The following SLC1A3 variants were observed in gnomAD, a reference collection of about 807,000 sequenced individuals.
SLC1A3 encodes the protein solute carrier family 1 member 3.
Under a neutral mutation model 48.1 loss-of-function variants are expected in SLC1A3, and 21 were observed. The ratio of observed to expected loss-of-function variants is 0.44; its 90% confidence interval spans 0.31 to 0.63. The LOEUF is 0.63. Among genes scored for constraint, SLC1A3 ranks in the 20% least tolerant of loss-of-function variants. SLC1A3 has a pLI of 0.08. For synonymous variants in SLC1A3, 239 were observed against 251.4 expected (o/e 0.95, Z 0.47); for missense variants, 546 against 689.0 (o/e 0.79, Z 2.32).
chr5:36,634,261 G>C (rs1009254731), intron 3 of SLC1A3, among the ~76,000 whole-genome samples: 3 of 137,004 alleles, frequency 2.2e-5, no homozygotes, highest in Non-Finnish European at 4.6e-5. Context: ...GGGTAACGGA[G>C]TGAGGCTCTG....
chr5:36,652,940 G>A (rs1218941363), intron 3 of SLC1A3, among the ~76,000 whole-genome samples: 2 of 152,172 alleles, frequency 1.3e-5, no homozygotes, highest in Non-Finnish European at 2.9e-5. Flanking sequence ...GCTTCCACTG[G>A]ATAATGCAGG....
chr5:36,632,633 T>C (rs891881780), intron 3 of SLC1A3, among the ~76,000 whole-genome samples: 2 of 152,216 alleles, frequency 1.3e-5, no homozygotes, highest in Non-Finnish European at 2.9e-5. Flanking sequence ...CTTTATAGAC[T>C]TGTTTCTCCT....
intron 3 of SLC1A3, among the ~76,000 whole-genome samples, chr5:36,661,241 G>A (rs1266828506): frequency 6.6e-6 from 1 of 152,062 alleles, no homozygotes; most frequent in South Asian, 2.1e-4. Context: ...GCGAAACCCC[G>A]TCTCTACTAA....
intron 3 of SLC1A3, among the ~76,000 whole-genome samples, chr5:36,643,420 G>A (rs975747326): frequency 4.6e-5 from 7 of 152,144 alleles, no homozygotes; most frequent in Admixed American, 3.3e-4. Context: ...GGCTAATAAT[G>A]TCAAGTATAT....
chr5:36,632,939 A>G (rs1740194098), intron 3 of SLC1A3, among the ~76,000 whole-genome samples: 1 of 152,194 alleles, frequency 6.6e-6, no homozygotes, highest in African/African-American at 2.4e-5. Flanking sequence ...GGCTGCCAGA[A>G]AGAAGCTGGG....
intron 3 of SLC1A3, 121 bp downstream of exon 3, chr5:36,629,708 A>AG: frequency 1.2e-6 from 1 of 846,558 alleles, no homozygotes; most frequent in Non-Finnish European, 2.0e-6. Context: ...AGAAAAAAAA[A>AG]AAAAGTCCCT....
chr5:36,600,691 A>G (rs1327736979), intron 1 of SLC1A3, among the ~76,000 whole-genome samples: 1 of 152,222 alleles, frequency 6.6e-6, no homozygotes, highest in East Asian at 1.9e-4. Flanking sequence ...CTGGCCAAGG[A>G]AAAGGGGATT....
intron 2 of SLC1A3, 179 bp downstream of exon 2, chr5:36,608,783 T>C: frequency 7.0e-7 from 1 of 1,419,692 alleles, no homozygotes; most frequent in Non-Finnish European, 9.2e-7. Flanking sequence ...TGGAGCAATA[T>C]ATAGTAAACA....
rs754763002 is a variant in SLC1A3 at position 36,608,451 on chromosome 5, A to G, written c.28A>G (p.Lys10Glu). MTKSNGEEPKMGGRMERFQQ... is the reference protein window; with the variant it reads MTKSNGEEPEMGGRMERFQQ... ...GACTAAAAGCAATGGAGAAGAGCCC[A>G]AGATGGGGGGCAGGATGGAGAGATT... Residue 10 changes from lysine (K) to glutamate (E), a missense_variant, in exon 2 of 10, where the codon AAG becomes GAG. By Grantham distance (56) the Lys-to-Glu change is moderately conservative (BLOSUM62 1). Coordinates refer to ENST00000265113, the MANE Select transcript of SLC1A3 (RefSeq NM_004172.5). 1.2e-5 allele frequency: 19 copies of G among 1,614,102 alleles called. No individual in the cohort carries two copies. In the Middle Eastern group the frequency reaches 6.6e-4, roughly 56 times the overall value.
At chr5:36,658,882 G>A in intron 3 of SLC1A3, among the ~76,000 whole-genome samples, 1 of 152,084 alleles carries the variant, frequency 6.6e-6, no homozygotes, top group South Asian at 2.1e-4. Context: ...AAGCCACTAT[G>A]TTATGACTCT....
intron 2 of SLC1A3, among the ~76,000 whole-genome samples, chr5:36,625,798 C>T (rs2432213): frequency 0.81 from 123,216 of 152,176 alleles, 50,453 homozygotes; most frequent in African/African-American, 0.93. Context: ...AGAGAAATGA[C>T]GTCCTCCTAC....
At chr5:36,678,806 C>A (rs1351284965) in intron 6 of SLC1A3, among the ~76,000 whole-genome samples, 1 of 152,182 alleles carries the variant, frequency 6.6e-6, no homozygotes, top group Non-Finnish European at 1.5e-5. Flanking sequence ...ATGGCAGTAG[C>A]AGCCTGTGGG....
At chr5:36,665,758 A>AG (rs1741715119) in intron 3 of SLC1A3, among the ~76,000 whole-genome samples, 1 of 152,214 alleles carries the variant, frequency 6.6e-6, no homozygotes, top group African/African-American at 2.4e-5. Context: ...CAGAGCCAAA[A>AG]GTAGAATCCA....
At chr5:36,615,311 T>G (rs930966758) in intron 2 of SLC1A3, among the ~76,000 whole-genome samples, 2 of 152,248 alleles carry the variant, frequency 1.3e-5, no homozygotes, top group Non-Finnish European at 2.9e-5. Context: ...TCTATCATTT[T>G]AAGTCTAGTT....
chr5:36,663,380 ATTTTTTT>A (rs1156283585), intron 3 of SLC1A3, among the ~76,000 whole-genome samples: 41 of 69,328 alleles, frequency 5.9e-4, no homozygotes, highest in Middle Eastern at 0.013. Context: ...CACGCCCGGC[ATTTTTTT>A]TTTTTTTTTT....
intron 3 of SLC1A3, among the ~76,000 whole-genome samples, chr5:36,659,229 G>A (rs979863775): frequency 6.6e-6 from 1 of 152,196 alleles, no homozygotes; most frequent in African/African-American, 2.4e-5. Flanking sequence ...GATCCTGAGT[G>A]AGGGACTTAA....
At chr5:36,620,390 G>T (rs1739614414) in intron 2 of SLC1A3, among the ~76,000 whole-genome samples, 1 of 152,170 alleles carries the variant, frequency 6.6e-6, no homozygotes, top group Non-Finnish European at 1.5e-5. Flanking sequence ...AAGCCTATGA[G>T]AAATCATAAT....
At chr5:36,681,252 T>C (rs1440273977) in intron 8 of SLC1A3, among the ~76,000 whole-genome samples, 1 of 152,208 alleles carries the variant, frequency 6.6e-6, no homozygotes, top group African/African-American at 2.4e-5. Context: ...TATACATACA[T>C]GTTTGCCTTT....
At chr5:36,665,937 C>G (rs561809207) in intron 3 of SLC1A3, among the ~76,000 whole-genome samples, 2 of 152,290 alleles carry the variant, frequency 1.3e-5, no homozygotes, top group South Asian at 4.1e-4. Context: ...GTTCCAGAAC[C>G]CTTAGAATCA....
Sources: gnomAD v4.1 joint callset for allele counts (sites outside exome capture counted in the v4.1 genomes callset) on GRCh38, gnomAD v4.1.1 for gene constraint, MANE v1.5 for transcripts, NCBI Gene and HGNC (gene_info 2026-07-23, HGNC 2026-07-21) for gene names.